Variants in SAMD5 observed in about 807,000 individuals in gnomAD.
SAMD5 encodes sterile alpha motif domain containing 5.
A neutral mutation model predicts 11.3 loss-of-function variants in SAMD5; 13 were observed. That is an observed-to-expected ratio of 1.15 (90% CI 0.75 to 1.83). The LOEUF is 1.83. Among genes scored for constraint, SAMD5 ranks in the 40% most tolerant of loss-of-function variants. The pLI, the probability that SAMD5 is intolerant of heterozygous loss-of-function variation, is 0.00. For missense variants in SAMD5, 255 were observed against 239.1 expected, an observed-to-expected ratio of 1.07 and a Z score of -0.44; for synonymous variants, 129 against 111.3, an observed-to-expected ratio of 1.16 and a Z score of -1.00.
intron 1 of SAMD5, among the ~76,000 whole-genome samples, chr6:147,586,480 C>T (rs1329202995): frequency 6.6e-6 from 1 of 152,046 alleles, no homozygotes. Flanking sequence ...TGTGAAACAG[C>T]TCTATGGATA....
At chr6:147,589,262 C>T (rs907037282) in intron 1 of SAMD5, among the ~76,000 whole-genome samples, 7 of 152,092 alleles carry the variant, frequency 4.6e-5, no homozygotes, top group Admixed American at 3.9e-4. Flanking sequence ...TCCTACCTGG[C>T]ATTATTATTT....
chr6:147,813,081 T>C, the SAMD5 span, among the ~76,000 whole-genome samples: 1 of 152,226 alleles, frequency 6.6e-6, no homozygotes, highest in African/African-American at 2.4e-5. Flanking sequence ...GTACTTCTTA[T>C]CTGTTCTTTG....
chr6:147,916,486 C>T, the SAMD5 span, among the ~76,000 whole-genome samples: 1 of 152,058 alleles, frequency 6.6e-6, no homozygotes. Context: ...TTTTGATTTG[C>T]ATTTCTCTGG....
At chr6:147,615,435 AAAAATAAATCACTGATAATATTTG>A (rs1174797415) in intron 1 of SAMD5, among the ~76,000 whole-genome samples, 1 of 152,242 alleles carries the variant, frequency 6.6e-6, no homozygotes, top group East Asian at 1.9e-4. Flanking sequence ...TTATTAACTT[AAAAATAAATCACTGATAATATTTG>A]TCTCATGCCT....
chr6:147,878,796 C>T, the SAMD5 span, among the ~76,000 whole-genome samples: 1 of 151,644 alleles, frequency 6.6e-6, no homozygotes, highest in African/African-American at 2.4e-5. Flanking sequence ...GCTCTGTCAC[C>T]CAGGCTGGAG....
In SAMD5 at chr6:147,566,669, A is replaced by G. The variant is rs1562322551; in HGVS notation, c.*2213A>G. ...CTGTGTCTGTGGTTAGAATTTGAAA[A>G]TAACAATGCTCTGCTTAAAGTAAGA... On this transcript the variant is annotated 3_prime_UTR_variant, in exon 2 of 2. Coordinates refer to ENST00000367474, the MANE Select transcript of SAMD5 (RefSeq NM_001030060.3). The G allele has an allele frequency of 1.0e-6, 1 of 984,006 alleles. No individual in the cohort carries two copies. The highest frequency in any genetic ancestry group is 1.2e-6 in the Non-Finnish European group (1 of 828,552). 61.0% of individuals were successfully genotyped at this position (984,006 alleles called of 1,614,324 possible).
intron 1 of SAMD5, among the ~76,000 whole-genome samples, chr6:147,690,138 A>G: frequency 6.8e-6 from 1 of 146,816 alleles, no homozygotes; most frequent in Admixed American, 6.8e-5. Context: ...ATATAACAAT[A>G]AGTGAAATGG....
At chr6:147,928,015 C>T in the SAMD5 span, among the ~76,000 whole-genome samples, 1 of 152,156 alleles carries the variant, frequency 6.6e-6, no homozygotes, top group African/African-American at 2.4e-5. Flanking sequence ...AGGGATGAAG[C>T]CTACTTGATC....
chr6:147,615,425 T>C (rs2050183), intron 1 of SAMD5, among the ~76,000 whole-genome samples: 14,689 of 152,252 alleles, frequency 0.096, 898 homozygotes, highest in Middle Eastern at 0.16. Context: ...CATGTAATAG[T>C]TATTAACTTA....
chr6:147,645,145 C>T (rs544533068), intron 1 of SAMD5, among the ~76,000 whole-genome samples: 1 of 152,084 alleles, frequency 6.6e-6, no homozygotes, highest in African/African-American at 2.4e-5. Flanking sequence ...GACTTCCAGG[C>T]TGGGGCAACC....
the SAMD5 span, among the ~76,000 whole-genome samples, chr6:147,915,264 C>T: frequency 1.3e-5 from 2 of 152,134 alleles, no homozygotes; most frequent in Non-Finnish European, 2.9e-5. Context: ...GTTACACCCT[C>T]CAATAGTTCT....
chr6:147,522,642 TAC>T (rs1289105681), intron 1 of SAMD5, among the ~76,000 whole-genome samples: 1 of 152,362 alleles, frequency 6.6e-6, no homozygotes, highest in Middle Eastern at 3.4e-3. Flanking sequence ...TACATTCTTT[TAC>T]ACTATATATC....
the SAMD5 span, among the ~76,000 whole-genome samples, chr6:147,834,643 G>A: frequency 3.9e-5 from 6 of 152,130 alleles, no homozygotes; most frequent in Non-Finnish European, 7.4e-5. Context: ...GCCCTAGTCC[G>A]GGCTTACCAC....
the SAMD5 span, among the ~76,000 whole-genome samples, chr6:147,884,195 T>C: frequency 2.6e-5 from 4 of 152,142 alleles, no homozygotes; most frequent in Non-Finnish European, 4.4e-5. Flanking sequence ...TTGCCTAAGA[T>C]GTACAGTTGG....
chr6:147,559,819 A>G (rs1788919241), intron 1 of SAMD5, among the ~76,000 whole-genome samples: 1 of 152,216 alleles, frequency 6.6e-6, no homozygotes, highest in Admixed American at 6.5e-5. Flanking sequence ...AAAAGAGCAT[A>G]TCAGGACACG....
At chr6:147,909,733 C>T in the SAMD5 span, among the ~76,000 whole-genome samples, 1 of 151,862 alleles carries the variant, frequency 6.6e-6, no homozygotes, top group African/African-American at 2.4e-5. Context: ...GTCCATACTG[C>T]TTTTACACTG....
intron 1 of SAMD5, among the ~76,000 whole-genome samples, chr6:147,598,927 T>C (rs963812414): frequency 6.6e-6 from 1 of 152,142 alleles, no homozygotes; most frequent in Non-Finnish European, 1.5e-5. Context: ...AGACAAAGGC[T>C]GAGGATGTTC....
intron 1 of SAMD5, among the ~76,000 whole-genome samples, chr6:147,608,903 G>A (rs757924743): frequency 3.3e-5 from 5 of 151,860 alleles, no homozygotes; most frequent in Middle Eastern, 3.2e-3. Flanking sequence ...AAAACAGCTC[G>A]TGTACCCCAT....
the SAMD5 span, among the ~76,000 whole-genome samples, chr6:147,848,341 C>T: frequency 6.6e-6 from 1 of 152,150 alleles, no homozygotes; most frequent in Non-Finnish European, 1.5e-5. Context: ...CAGAGCCCCA[C>T]ATCCTGAAGG....
Sources: gnomAD v4.1 joint callset for allele counts (sites outside exome capture counted in the v4.1 genomes callset) on GRCh38, gnomAD v4.1.1 for gene constraint, MANE v1.5 for transcripts, NCBI Gene and HGNC (gene_info 2026-07-23, HGNC 2026-07-21) for gene names.